SCP2: variants seen among roughly 807,000 people sequenced by gnomAD.
SCP2 encodes the protein SCP-2/3-oxoacyl-CoA thiolase.
In SCP2, 48 loss-of-function variants were observed where a neutral mutation model predicts 71.4. The observed-to-expected ratio is 0.67, with a 90% CI of 0.53 to 0.86. SCP2 has a LOEUF of 0.86. Ranked by LOEUF, SCP2 falls within the 40% of genes least tolerant of loss-of-function variation. SCP2 has a pLI of 0.00. For synonymous variants in SCP2, 220 were observed against 218.1 expected, an observed-to-expected ratio of 1.01 and a Z score of -0.08; for missense variants, 560 against 655.6, an observed-to-expected ratio of 0.85 and a Z score of 1.59.
chr1:53,037,875 TACATACACACACACAC>T (rs1248731046), intron 13 of SCP2, among the ~76,000 whole-genome samples: 3 of 96,508 alleles, frequency 3.1e-5, no homozygotes, highest in Admixed American at 1.4e-4. Context: ...ATCCTGTCTC[TACATACACACACACAC>T]ACACACACAC....
intron 12 of SCP2, among the ~76,000 whole-genome samples, chr1:53,015,972 C>T (rs986064112): frequency 6.6e-6 from 1 of 152,036 alleles, no homozygotes; most frequent in Non-Finnish European, 1.5e-5. Flanking sequence ...TTTTGAAATT[C>T]TTGGTAATTA....
chr1:52,994,320 C>G, intron 11 of SCP2: 10 of 988,582 alleles, frequency 1.0e-5, no homozygotes, highest in Non-Finnish European at 1.1e-5. Context: ...TAGGAAACCT[C>G]TGTTTCATTA....
chr1:53,013,931 T>TGTC (rs1312269025), intron 11 of SCP2, among the ~76,000 whole-genome samples: 2 of 138,648 alleles, frequency 1.4e-5, no homozygotes, highest in Non-Finnish European at 3.1e-5. Flanking sequence ...AGTCTTGCTC[T>TGTC]GTCGCCCAGG....
In SCP2 at chr1:53,045,808, TACAG is replaced by T. The variant is rs546439557; in HGVS notation, c.1469-2045_1469-2042del. On this transcript the variant is annotated intron_variant, in intron 14 of 15. Coordinates refer to ENST00000371514, the MANE Select transcript of SCP2 (RefSeq NM_002979.5). ...GTGTAACTATCACCAGAAATCAAGA[TACAG>T]ACAGTTTCCATTACCCCAGAAAGTG... 1.9e-4 allele frequency among the ~76,000 whole-genome samples: 29 copies of T among 152,314 alleles called. No homozygotes were observed. The South Asian group carries it at 5.8e-3, about 30-fold the overall frequency.
chr1:53,025,607 T>G (rs1270676502), intron 12 of SCP2, among the ~76,000 whole-genome samples: 1 of 152,104 alleles, frequency 6.6e-6, no homozygotes, highest in East Asian at 1.9e-4. Context: ...TCTTTGTATC[T>G]CCCTCACCCC....
intron 1 of SCP2, among the ~76,000 whole-genome samples, chr1:52,938,267 AG>A (rs1653910853): frequency 6.6e-6 from 1 of 152,098 alleles, no homozygotes; most frequent in Non-Finnish European, 1.5e-5. Flanking sequence ...ATTTCATGAA[AG>A]TTTTGCTTCA....
intron 3 of SCP2, among the ~76,000 whole-genome samples, chr1:52,949,657 G>C (rs1655116554): frequency 6.6e-6 from 1 of 152,162 alleles, no homozygotes; most frequent in African/African-American, 2.4e-5. Context: ...GGAGAACAAA[G>C]GAAGGAGGAA....
At chr1:52,978,452 TAAC>T (rs1227114246) in intron 9 of SCP2, 85 bp downstream of exon 9, 3 of 1,063,540 alleles carry the variant, frequency 2.8e-6, no homozygotes, top group Admixed American at 3.9e-5. Context: ...TATTATATAA[TAAC>T]TTTTAATTAA....
In SCP2 at chr1:52,970,182, A is replaced by G. The variant is rs115157563; in HGVS notation, c.524-4587A>G. On this transcript the variant is annotated intron_variant, in intron 6 of 15. Coordinates refer to ENST00000371514, the MANE Select transcript of SCP2 (RefSeq NM_002979.5). ...ACTTTTAATTTTATTAGTAATTTCT[A>G]GTTTTATTGCCTGGTGATTTGAGTG... Among the ~76,000 whole-genome samples the G allele has an allele frequency of 2.9e-3, 436 of 152,182 alleles. 4 individuals carry two copies. The highest frequency in any genetic ancestry group is 9.9e-3 in the African/African-American group (410 of 41,520).
At chr1:52,966,462 T>G (rs1057050804) in intron 6 of SCP2, among the ~76,000 whole-genome samples, 1 of 152,090 alleles carries the variant, frequency 6.6e-6, no homozygotes, top group African/African-American at 2.4e-5. Context: ...TTGATCATGG[T>G]GTATTGCTGT....
intron 1 of SCP2, among the ~76,000 whole-genome samples, chr1:52,936,267 A>G (rs1356968454): frequency 6.6e-6 from 1 of 152,218 alleles, no homozygotes; most frequent in Non-Finnish European, 1.5e-5. Flanking sequence ...TATGATAGCT[A>G]TTGGTAGATA....
At chr1:53,011,597 A>T (rs1404932745) in intron 11 of SCP2, among the ~76,000 whole-genome samples, 1 of 152,244 alleles carries the variant, frequency 6.6e-6, no homozygotes, top group Non-Finnish European at 1.5e-5. Context: ...GATGTTTTGT[A>T]ACCAGTTGGT....
intron 2 of SCP2, among the ~76,000 whole-genome samples, chr1:52,946,073 C>T (rs578182065): frequency 3.4e-5 from 5 of 149,054 alleles, no homozygotes; most frequent in Non-Finnish European, 4.5e-5. Context: ...GGACCACAGA[C>T]GCACACCACC....
intron 12 of SCP2, among the ~76,000 whole-genome samples, chr1:53,025,716 A>G: frequency 6.6e-6 from 1 of 152,132 alleles, no homozygotes; most frequent in Non-Finnish European, 1.5e-5. Flanking sequence ...ATCACCTCCT[A>G]TCTGGATTAT....
chr1:52,992,336 A>G (rs1384921094), intron 11 of SCP2, among the ~76,000 whole-genome samples: 1 of 152,228 alleles, frequency 6.6e-6, no homozygotes, highest in Non-Finnish European at 1.5e-5. Flanking sequence ...GTATAAAAGT[A>G]TATAGCAAAA....
At chr1:52,990,314 G>A (rs1659359117) in intron 11 of SCP2, among the ~76,000 whole-genome samples, 1 of 152,000 alleles carries the variant, frequency 6.6e-6, no homozygotes, top group African/African-American at 2.4e-5. Context: ...GGTGACCTAT[G>A]TACCTAGGAA....
chr1:52,943,945 CCTTA>C (rs1654526097), intron 2 of SCP2: 2 of 313,474 alleles, frequency 6.4e-6, no homozygotes, highest in African/African-American at 2.3e-5. Context: ...ATAGAGACCT[CCTTA>C]CTTACCCTCC....
chr1:52,993,068 T>C (rs998028635), intron 11 of SCP2: 1 of 1,077,330 alleles, frequency 9.3e-7, no homozygotes, highest in African/African-American at 1.6e-5. Flanking sequence ...CTAGCCAGCT[T>C]CTTGGTCTAA....
intron 11 of SCP2, among the ~76,000 whole-genome samples, chr1:53,003,459 A>T (rs1161769804): frequency 6.6e-6 from 1 of 152,024 alleles, no homozygotes; most frequent in African/African-American, 2.4e-5. Flanking sequence ...GGATAAAGCA[A>T]TCTGCCCATG....
Sources: allele counts gnomAD v4.1 joint callset (sites outside exome capture counted in the v4.1 genomes callset), GRCh38; gene constraint gnomAD v4.1.1; transcripts MANE v1.5; gene names NCBI Gene and HGNC (gene_info 2026-07-23, HGNC 2026-07-21).